Variants in LYRM4 observed in about 807,000 individuals in gnomAD.
LYRM4 encodes LYR motif containing 4.
Under a neutral mutation model 11.7 loss-of-function variants are expected in LYRM4, and 9 were observed. The ratio of observed to expected loss-of-function variants is 0.77; its 90% CI spans 0.46 to 1.34. The LOEUF (loss-of-function observed/expected upper bound fraction) is 1.34, where lower values mean the gene tolerates loss of function less well. Ranked by LOEUF, LYRM4 falls within the 40% of genes most tolerant of loss-of-function variation. LYRM4 has a pLI of 0.00. For synonymous variants in LYRM4, 42 were observed against 40.4 expected, an observed-to-expected ratio of 1.04 and a Z score of -0.15; for missense variants, 133 against 112.5, an observed-to-expected ratio of 1.18 and a Z score of -0.82.
chr6:5,151,795 T>G (rs1176258971), intron 2 of LYRM4, among the ~76,000 whole-genome samples: 1 of 152,238 alleles, frequency 6.6e-6, no homozygotes, highest in East Asian at 1.9e-4. Flanking sequence ...ACTGTCATAA[T>G]TAAATTAAAA....
chr6:5,191,421 C>T (rs182204901), intron 2 of LYRM4, among the ~76,000 whole-genome samples: 13 of 152,200 alleles, frequency 8.5e-5, no homozygotes, highest in Admixed American at 5.2e-4. Flanking sequence ...AAGAGCTACG[C>T]GCCATTCTGA....
chr6:5,164,950 AGAGTGAGACT>A (rs1758985997), intron 2 of LYRM4, among the ~76,000 whole-genome samples: 1 of 138,198 alleles, frequency 7.2e-6, no homozygotes, highest in East Asian at 2.1e-4. Flanking sequence ...CCTGGGCGAC[AGAGTGAGACT>A]GTGTCTCAAA....
chr6:5,202,467 A>G (rs1273059857), intron 2 of LYRM4, among the ~76,000 whole-genome samples: 1 of 152,214 alleles, frequency 6.6e-6, no homozygotes. Flanking sequence ...AACAGGAGGA[A>G]TATGAACTTT....
intron 1 of LYRM4, among the ~76,000 whole-genome samples, chr6:5,231,626 A>C (rs1031205521): frequency 2.6e-5 from 4 of 152,222 alleles, no homozygotes; most frequent in Non-Finnish European, 4.4e-5. Flanking sequence ...GTTGCAGAGA[A>C]GTGGCATTTC....
chr6:5,151,545 T>C (rs1758090048), intron 2 of LYRM4, among the ~76,000 whole-genome samples: 2 of 152,176 alleles, frequency 1.3e-5, no homozygotes, highest in Admixed American at 6.5e-5. Flanking sequence ...ACGGCTCCTC[T>C]ACCAGAAAAT....
chr6:5,216,857 C>A, intron 1 of LYRM4, 119 bp from the exon 2 acceptor site: 2 of 1,207,560 alleles, frequency 1.7e-6, no homozygotes, highest in Non-Finnish European at 1.1e-6. Flanking sequence ...TACGGATAAT[C>A]CACTTTGATC....
downstream of LYRM4, chr6:5,105,153 T>G (rs574513654): frequency 6.7e-6 from 1 of 149,092 alleles, no homozygotes; most frequent in African/African-American, 2.6e-5. Flanking sequence ...CCAAACTCAG[T>G]GACTAATGTA....
intron 2 of LYRM4, among the ~76,000 whole-genome samples, chr6:5,210,410 C>A (rs990434863): frequency 2.6e-5 from 4 of 151,924 alleles, no homozygotes; most frequent in African/African-American, 7.3e-5. Flanking sequence ...CTTAAGCTTC[C>A]TATCCCTAAA....
intron 2 of LYRM4, among the ~76,000 whole-genome samples, chr6:5,142,434 CA>C: frequency 6.6e-6 from 1 of 152,308 alleles, no homozygotes; most frequent in South Asian, 2.1e-4. Context: ...GAGGTTCAAT[CA>C]CTGTGGAGCA....
At chr6:5,046,887 C>T in the LYRM4 span, among the ~76,000 whole-genome samples, 1 of 152,068 alleles carries the variant, frequency 6.6e-6, no homozygotes, top group African/African-American at 2.4e-5. Flanking sequence ...CCCAGGAGTT[C>T]GAGACCAGCC....
chr6:5,177,093 A>G (rs930203921), intron 2 of LYRM4, among the ~76,000 whole-genome samples: 2 of 152,218 alleles, frequency 1.3e-5, no homozygotes, highest in African/African-American at 4.8e-5. Context: ...AAAATATGGA[A>G]AAGTGCGAAT....
chr6:5,108,974 G>C lies in LYRM4; in HGVS notation c.*449C>G. On this transcript the variant is annotated 3_prime_UTR_variant, in exon 3 of 3. Transcript: ENST00000330636. ...CCAAGGCAGTTCTCGTCTCAGAGTT[G>C]AACCCTCCCTGAGGGCCCCCAACAG... 1 of 999,500 alleles carries C rather than the reference G, an allele frequency of 1.0e-6. No individual in the cohort carries two copies. Among genetic ancestry groups the C allele is most frequent in the Non-Finnish European group, 1.2e-6 (1 of 837,344 alleles). 61.9% of individuals were successfully genotyped at this position (999,500 alleles called of 1,614,324 possible). A position where few individuals can be genotyped will look rare whatever the true frequency, so the allele number is the denominator to read the frequency against.
chr6:5,056,160 C>T, the LYRM4 span, among the ~76,000 whole-genome samples: 1 of 152,274 alleles, frequency 6.6e-6, no homozygotes, highest in African/African-American at 2.4e-5. Context: ...GCCACCGTGC[C>T]TGCCTGGCTT....
At chr6:5,175,982 T>C (rs1001153730) in intron 2 of LYRM4, among the ~76,000 whole-genome samples, 2 of 152,146 alleles carry the variant, frequency 1.3e-5, no homozygotes, top group African/African-American at 4.8e-5. Flanking sequence ...TTCCCAGCTA[T>C]GGCTGATAGC....
chr6:5,072,040 C>T, the LYRM4 span, among the ~76,000 whole-genome samples: 1 of 152,168 alleles, frequency 6.6e-6, no homozygotes, highest in Non-Finnish European at 1.5e-5. Flanking sequence ...CATGTGTTCT[C>T]ATCACTTAGC....
intron 2 of LYRM4, among the ~76,000 whole-genome samples, chr6:5,157,849 G>A (rs1408136329): frequency 6.6e-6 from 1 of 152,200 alleles, no homozygotes; most frequent in Non-Finnish European, 1.5e-5. Flanking sequence ...AACATGAATT[G>A]GATTTTCATC....
chr6:5,236,087 C>A (rs1417427159), intron 1 of LYRM4, among the ~76,000 whole-genome samples: 4 of 152,072 alleles, frequency 2.6e-5, no homozygotes. Context: ...GCCATTTTCC[C>A]GTAGGTGGAT....
chr6:5,159,487 T>C (rs756505782), intron 2 of LYRM4, among the ~76,000 whole-genome samples: 5 of 152,244 alleles, frequency 3.3e-5, no homozygotes, highest in African/African-American at 7.2e-5. Flanking sequence ...TTATTCATTG[T>C]ATTTACAACA....
intron 1 of LYRM4, among the ~76,000 whole-genome samples, chr6:5,229,981 C>A (rs898326049): frequency 5.9e-5 from 9 of 152,182 alleles, no homozygotes; most frequent in African/African-American, 2.2e-4. Context: ...ATCCTCATAG[C>A]CACTGACATT....
Sources: allele counts gnomAD v4.1 joint callset (sites outside exome capture counted in the v4.1 genomes callset), GRCh38; gene constraint gnomAD v4.1.1; transcripts MANE v1.5; gene names NCBI Gene and HGNC (gene_info 2026-07-23, HGNC 2026-07-21).